Variants in ASPRV1 observed in about 807,000 individuals in gnomAD.
The protein encoded by ASPRV1 is retroviral-like aspartic protease 1.
A neutral mutation model predicts 11.0 loss-of-function variants in ASPRV1; 7 were observed. The observed-to-expected ratio is 0.64, with a 90% CI of 0.36 to 1.20. The LOEUF (loss-of-function observed/expected upper bound fraction) is 1.20. ASPRV1 is among the 50% of genes most tolerant of loss of function. ASPRV1 has a pLI of 0.02. For synonymous variants in ASPRV1, 136 were observed against 138.4 expected (o/e 0.98, Z 0.12); for missense variants, 299 against 320.0 (o/e 0.93, Z 0.50).
downstream of ASPRV1, among the ~76,000 whole-genome samples, chr2:69,959,680 C>T (rs1678019541): frequency 6.6e-6 from 1 of 152,152 alleles, no homozygotes; most frequent in African/African-American, 2.4e-5. Flanking sequence ...GTCTCCTGGC[C>T]CTGCTTTCTG....
the ASPRV1 span, among the ~76,000 whole-genome samples, chr2:70,040,904 T>C: frequency 1.3e-5 from 2 of 152,226 alleles, no homozygotes; most frequent in African/African-American, 4.8e-5. Flanking sequence ...CTACAAGCTC[T>C]ATTTAAGATC....
At chr2:70,001,489 G>A in the ASPRV1 span, among the ~76,000 whole-genome samples, 1 of 151,266 alleles carries the variant, frequency 6.6e-6, no homozygotes, top group Non-Finnish European at 1.5e-5. Context: ...TGGGGTTGGT[G>A]GTTCACACCT....
At chr2:70,002,264 A>G in the ASPRV1 span, among the ~76,000 whole-genome samples, 2 of 152,166 alleles carry the variant, frequency 1.3e-5, no homozygotes, top group South Asian at 4.1e-4. Flanking sequence ...TGTATGAGAC[A>G]TAAATGCTAT....
the ASPRV1 span, chr2:69,938,393 C>T: frequency 8.6e-7 from 1 of 1,168,616 alleles, no homozygotes; most frequent in African/African-American, 1.5e-5. Context: ...CAGTGTCCCA[C>T]CTTGACCAAA....
chr2:69,947,669 C>T, the ASPRV1 span, among the ~76,000 whole-genome samples: 1 of 152,102 alleles, frequency 6.6e-6, no homozygotes, highest in Non-Finnish European at 1.5e-5. Flanking sequence ...AATGCTTTTG[C>T]AAGCAGACGG....
At chr2:70,080,084 ACTC>A in the ASPRV1 span, among the ~76,000 whole-genome samples, 2 of 152,212 alleles carry the variant, frequency 1.3e-5, no homozygotes, top group South Asian at 2.1e-4. Flanking sequence ...TCATTCTTGA[ACTC>A]CTTTCTCTCC....
At chr2:70,000,395 T>C in the ASPRV1 span, 1 of 144,670 alleles carries the variant, frequency 6.9e-6, no homozygotes, top group Non-Finnish European at 1.5e-5. Flanking sequence ...ATAGCCTGAA[T>C]ACATCTTTAA....
chr2:70,084,097 G>A, the ASPRV1 span, among the ~76,000 whole-genome samples: 1 of 152,170 alleles, frequency 6.6e-6, no homozygotes, highest in Non-Finnish European at 1.5e-5. Context: ...CTAAGAGCTG[G>A]GGAAGCTGGG....
the ASPRV1 span, among the ~76,000 whole-genome samples, chr2:69,977,827 T>G: frequency 6.6e-6 from 1 of 152,108 alleles, no homozygotes; most frequent in East Asian, 1.9e-4. Flanking sequence ...AATTAGTAAC[T>G]CCAGAGGGGG....
the ASPRV1 span, among the ~76,000 whole-genome samples, chr2:69,984,084 G>A: frequency 0.062 from 9,413 of 152,154 alleles, 987 homozygotes; most frequent in African/African-American, 0.21. Flanking sequence ...TGTTGCCCAG[G>A]CTGGAGTGCA....
the ASPRV1 span, among the ~76,000 whole-genome samples, chr2:69,967,472 T>C: frequency 2.0e-5 from 3 of 152,210 alleles, no homozygotes; most frequent in Non-Finnish European, 4.4e-5. Flanking sequence ...TTTTTGTTGC[T>C]AAAGGCAAAC....
the ASPRV1 span, among the ~76,000 whole-genome samples, chr2:70,021,401 C>T: frequency 6.6e-6 from 1 of 151,126 alleles, no homozygotes; most frequent in African/African-American, 2.4e-5. Flanking sequence ...TCACTGCAAG[C>T]TCCACCTTCC....
At chr2:70,067,930 G>C in the ASPRV1 span, among the ~76,000 whole-genome samples, 1 of 152,148 alleles carries the variant, frequency 6.6e-6, no homozygotes, top group South Asian at 2.1e-4. Flanking sequence ...AGCTTACAAA[G>C]GTCATCTTTT....
At chr2:69,969,939 C>T in the ASPRV1 span, among the ~76,000 whole-genome samples, 2 of 151,924 alleles carry the variant, frequency 1.3e-5, no homozygotes, top group Non-Finnish European at 2.9e-5. Flanking sequence ...CCTACATTGC[C>T]CAGGCTGGTC....
chr2:69,992,140 T>C, the ASPRV1 span, among the ~76,000 whole-genome samples: 2 of 152,228 alleles, frequency 1.3e-5, no homozygotes, highest in Non-Finnish European at 2.9e-5. Flanking sequence ...TTAATGATCT[T>C]TGTTCCACTT....
chr2:70,030,006 T>A, the ASPRV1 span: 20 of 152,330 alleles, frequency 1.3e-4, no homozygotes, highest in African/African-American at 4.8e-4. Context: ...CTCCAGTCTT[T>A]TCTATTTTTA....
chr2:70,040,629 T>C, the ASPRV1 span, among the ~76,000 whole-genome samples: 1 of 152,008 alleles, frequency 6.6e-6, no homozygotes, highest in Non-Finnish European at 1.5e-5. Flanking sequence ...AGGTCAAAAG[T>C]TCAAGACCAG....
chr2:70,074,060 G>A, the ASPRV1 span, among the ~76,000 whole-genome samples: 1 of 146,436 alleles, frequency 6.8e-6, no homozygotes, highest in South Asian at 2.2e-4. Context: ...CGTGAACCCA[G>A]GAGGCGGAGC....
chr2:70,027,064 A>G, the ASPRV1 span, among the ~76,000 whole-genome samples: 4 of 152,028 alleles, frequency 2.6e-5, no homozygotes, highest in Admixed American at 1.3e-4. Context: ...CAGCTGGGCA[A>G]CATAGTGAGA....
Sources: gnomAD v4.1 joint callset for allele counts (sites outside exome capture counted in the v4.1 genomes callset) on GRCh38, gnomAD v4.1.1 for gene constraint, MANE v1.5 for transcripts, NCBI Gene and HGNC (gene_info 2026-07-23, HGNC 2026-07-21) for gene names.